OR51B5: variants seen among roughly 807,000 people sequenced by gnomAD.
The protein encoded by OR51B5 is olfactory receptor family 51 subfamily B member 5, also known as olfactory receptor 51B5.
For synonymous variants in OR51B5, 186 were observed against 144.8 expected (o/e 1.28, Z -2.04); for missense variants, 456 against 374.6 (o/e 1.22, Z -1.79).
intron 1 of OR51B5, among the ~76,000 whole-genome samples, chr11:5,467,642 C>CT (rs1310249582): frequency 1.3e-5 from 2 of 152,178 alleles, no homozygotes; most frequent in African/African-American, 4.8e-5. Context: ...GGATTTCTTT[C>CT]TTTGTGGCTT....
chr11:5,457,520 C>G (rs1034933834), intron 1 of OR51B5, among the ~76,000 whole-genome samples: 14 of 152,174 alleles, frequency 9.2e-5, no homozygotes, highest in African/African-American at 1.7e-4. Flanking sequence ...ATGGGTAGCT[C>G]TAAGTTATGT....
At chr11:5,447,092 G>T (rs1047023200) in intron 1 of OR51B5, among the ~76,000 whole-genome samples, 3 of 152,120 alleles carry the variant, frequency 2.0e-5, no homozygotes, top group African/African-American at 7.2e-5. Context: ...GAAAATGAAA[G>T]CCCCTAGGAG....
intron 1 of OR51B5, among the ~76,000 whole-genome samples, chr11:5,360,211 T>C (rs1589953147): frequency 6.6e-6 from 1 of 151,776 alleles, no homozygotes; most frequent in South Asian, 2.1e-4. Flanking sequence ...ACAGGCAACA[T>C]ACAGAATGGG....
intron 1 of OR51B5, among the ~76,000 whole-genome samples, chr11:5,435,690 G>C (rs187041604): frequency 6.0e-4 from 91 of 152,178 alleles, no homozygotes; most frequent in Non-Finnish European, 1.1e-3. Flanking sequence ...ATTTCTCCAA[G>C]TGTCTGACTT....
intron 1 of OR51B5, among the ~76,000 whole-genome samples, chr11:5,381,054 G>T (rs1240131861): frequency 6.6e-6 from 1 of 151,994 alleles, no homozygotes; most frequent in African/African-American, 2.4e-5. Context: ...ATCAATTCTG[G>T]ATAGAGGTTC....
chr11:5,489,732 C>G, intron 1 of OR51B5: 2 of 1,037,240 alleles, frequency 1.9e-6, no homozygotes, highest in Admixed American at 4.0e-5. Flanking sequence ...TACATGGACA[C>G]ACAGTGATGA....
chr11:5,471,481 T>C (rs888729303), intron 1 of OR51B5, among the ~76,000 whole-genome samples: 3 of 151,828 alleles, frequency 2.0e-5, no homozygotes, highest in African/African-American at 7.3e-5. Flanking sequence ...ACTAAAAATA[T>C]AAAAACTACC....
chr11:5,430,057 A>T (rs1850513058), intron 1 of OR51B5, among the ~76,000 whole-genome samples: 1 of 152,194 alleles, frequency 6.6e-6, no homozygotes, highest in Non-Finnish European at 1.5e-5. Context: ...TCATAGGTAA[A>T]TGTAAACAAA....
intron 1 of OR51B5, among the ~76,000 whole-genome samples, chr11:5,369,000 G>A (rs1321422177): frequency 1.3e-5 from 2 of 152,072 alleles, no homozygotes; most frequent in East Asian, 3.9e-4. Flanking sequence ...ACTAGATGTG[G>A]ACAAGATAGT....
intron 1 of OR51B5, among the ~76,000 whole-genome samples, chr11:5,358,842 T>C (rs879139112): frequency 2.0e-5 from 3 of 151,942 alleles, no homozygotes; most frequent in African/African-American, 4.8e-5. Flanking sequence ...GTTCAACATA[T>C]GCAAATCAAT....
intron 1 of OR51B5, chr11:5,455,547 G>A (rs1850939285): frequency 1.9e-5 from 1 of 52,146 alleles, no homozygotes; most frequent in African/African-American, 5.7e-5. Flanking sequence ...GCGAGGGATT[G>A]GGGGAGAAAG....
chr11:5,400,987 T>C (rs1332261679), intron 1 of OR51B5, among the ~76,000 whole-genome samples: 1 of 152,232 alleles, frequency 6.6e-6, no homozygotes, highest in Non-Finnish European at 1.5e-5. Flanking sequence ...CAGGTGTGTC[T>C]GTGTGTGTTT....
At chr11:5,428,865 A>G (rs1267903783) in intron 1 of OR51B5, among the ~76,000 whole-genome samples, 1 of 152,216 alleles carries the variant, frequency 6.6e-6, no homozygotes, top group Non-Finnish European at 1.5e-5. Flanking sequence ...AGACTACAGG[A>G]TTAGAAATAA....
rs146385779 is a variant in OR51B5, at chr11:5,467,633, G to T, written n.84+37936C>A. On this transcript the variant is annotated intron_variant and non_coding_transcript_variant, in intron 1 of 4. Transcript: ENST00000415970. Reference sequence around the variant, plus strand: ...GTCTTCTTGGCATGGTTTTTCAGAGGATTTCTTTCTTTGTGGCTTTCTCTG... The same window carrying T: ...GTCTTCTTGGCATGGTTTTTCAGAGTATTTCTTTCTTTGTGGCTTTCTCTG... 3.3e-5 allele frequency among the ~76,000 whole-genome samples: 5 copies of T among 152,290 alleles called. No homozygotes were observed. The East Asian group carries it at 7.7e-4, about 24-fold the overall frequency.
intron 1 of OR51B5, among the ~76,000 whole-genome samples, chr11:5,386,509 G>A (rs568563631): frequency 1.2e-3 from 178 of 152,208 alleles, no homozygotes; most frequent in Non-Finnish European, 2.1e-3. Flanking sequence ...TCTAAATCAT[G>A]TATGGCCTCA....
At chr11:5,453,893 G>T (rs1183916338) in intron 1 of OR51B5, 1 of 1,614,066 alleles carries the variant, frequency 6.2e-7, no homozygotes, top group Non-Finnish European at 8.5e-7. Context: ...ATGCAACTGT[G>T]CTCACCACTG....
chr11:5,430,919 C>T (rs1435069843), intron 1 of OR51B5: 1 of 457,008 alleles, frequency 2.2e-6, no homozygotes, highest in Non-Finnish European at 4.4e-6. Context: ...GAAGCAATGC[C>T]CATCACTGTA....
chr11:5,441,497 G>A (rs1850689574), intron 1 of OR51B5: 1 of 1,611,752 alleles, frequency 6.2e-7, no homozygotes, highest in Non-Finnish European at 8.5e-7. Context: ...GGAAGGGGGT[G>A]CCATTGAGAC....
chr11:5,343,011 G>A lies in OR51B5; in HGVS notation c.514C>T (p.Leu172Phe), dbSNP rs781633652. ...TGGTGAAGGCAGAATGCATGTGAAAGAACATGGGAGTGACAATACAGAAAA... is the reference window on the plus strand; with the variant it reads ...TGGTGAAGGCAGAATGCATGTGAAAAAACATGGGAGTGACAATACAGAAAA... Residue 172 changes from leucine (L) to phenylalanine (F), a missense_variant, in exon 1 of 1, where the codon CTT (leucine) becomes TTT (phenylalanine). Coordinates refer to ENST00000300773, the Ensembl canonical transcript of OR51B5. The A allele has an allele frequency of 5.6e-6, 9 of 1,613,566 alleles. No individual in the cohort carries two copies. The Admixed American group carries it at 1.5e-4, about 27-fold the overall frequency.
Sources: gnomAD v4.1 joint callset for allele counts (sites outside exome capture counted in the v4.1 genomes callset) on GRCh38, gnomAD v4.1.1 for gene constraint, MANE v1.5 for transcripts, NCBI Gene and HGNC (gene_info 2026-07-23, HGNC 2026-07-21) for gene names.